Variants in STAB2 observed in about 807,000 individuals in gnomAD.
STAB2 encodes the protein stabilin 2, also known as stabilin-2.
A neutral mutation model predicts 338.1 loss-of-function variants in STAB2; 288 were observed. The observed-to-expected ratio is 0.85, with a 90% CI of 0.77 to 0.94. The LOEUF (loss-of-function observed/expected upper bound fraction) is 0.94. Ranked by LOEUF, STAB2 falls within the 40% of genes least tolerant of loss-of-function variation. STAB2 has a pLI of 0.00. For missense variants in STAB2, 3,141 were observed against 3,210.1 expected (o/e 0.98, Z 0.52); for synonymous variants, 1,202 against 1,193.3 (o/e 1.01, Z -0.15).
chr12:103,666,024 G>T (rs1475699931), intron 18 of STAB2, among the ~76,000 whole-genome samples: 1 of 152,202 alleles, frequency 6.6e-6, no homozygotes, highest in African/African-American at 2.4e-5. Flanking sequence ...TGGACAGGCT[G>T]GCTCTGAAAG....
In STAB2 at chr12:103,663,759, A is replaced by G. The variant is rs114831189; in HGVS notation, c.2022+761A>G. Among the ~76,000 whole-genome samples, 936 of 152,322 alleles carry G rather than the reference A, an allele frequency of 6.1e-3. 8 individuals carry two copies. Among genetic ancestry groups the G allele is most frequent in the African/African-American group, 0.021 (890 of 41,558 alleles). The stretch of plus-strand genomic sequence containing the variant: ...ACATCTGCAAAGACCTTATTTCCCA[A>G]CAAGATCACATTCTGAGGTTCCAGG... On this transcript the variant is annotated intron_variant, in intron 18 of 68. Transcript: ENST00000388887.
At chr12:103,668,023 C>G (rs1042328404) in intron 19 of STAB2, among the ~76,000 whole-genome samples, 1 of 152,172 alleles carries the variant, frequency 6.6e-6, no homozygotes, top group African/African-American at 2.4e-5. Context: ...CTGTCTGGGC[C>G]TGTTTCCTTA....
At chr12:103,746,436 C>T (rs2139146409) in intron 57 of STAB2, 161 bp from the exon 58 acceptor site, 1 of 641,900 alleles carries the variant, frequency 1.6e-6, no homozygotes, top group East Asian at 2.6e-5. Flanking sequence ...CCAGAATCTC[C>T]AAGGCTAGAA....
intron 68 of STAB2, 54 bp from the exon 69 acceptor site, chr12:103,766,232 A>G (rs1482618853): frequency 1.2e-6 from 2 of 1,610,888 alleles, no homozygotes; most frequent in Middle Eastern, 1.7e-4. Context: ...GAAAGATTCA[A>G]CTAGGACTCA....
intron 56 of STAB2, among the ~76,000 whole-genome samples, chr12:103,744,899 A>G (rs1049836574): frequency 1.3e-5 from 2 of 152,196 alleles, no homozygotes; most frequent in African/African-American, 4.8e-5. Flanking sequence ...TTATAATTAT[A>G]TGATCAACAG....
At chr12:103,674,361 A>G (rs558423754) in intron 23 of STAB2, among the ~76,000 whole-genome samples, 1 of 152,338 alleles carries the variant, frequency 6.6e-6, no homozygotes, top group African/African-American at 2.4e-5. Context: ...TCAACAGTAC[A>G]GTGAGGATGA....
At chr12:103,682,851 G>A (rs1334696409) in intron 25 of STAB2, among the ~76,000 whole-genome samples, 2 of 152,184 alleles carry the variant, frequency 1.3e-5, no homozygotes, top group Non-Finnish European at 1.5e-5. Flanking sequence ...AGGAGGCTGA[G>A]GCAGGAGAAT....
chr12:103,701,227 C>T (rs1053848897), intron 34 of STAB2, among the ~76,000 whole-genome samples: 1 of 151,438 alleles, frequency 6.6e-6, no homozygotes, highest in African/African-American at 2.4e-5. Flanking sequence ...TGTATATGTG[C>T]CACATTTTCT....
chr12:103,723,786 G>A (rs1042401116), intron 44 of STAB2, among the ~76,000 whole-genome samples: 2 of 152,180 alleles, frequency 1.3e-5, no homozygotes, highest in Non-Finnish European at 2.9e-5. Context: ...TGGGGTTCGA[G>A]GGGACTGAGT....
chr12:103,750,486 C>T (rs1001789788), intron 59 of STAB2, 93 bp from the exon 60 acceptor site: 3 of 1,526,134 alleles, frequency 2.0e-6, no homozygotes, highest in South Asian at 1.2e-5. Context: ...CATCTGAACA[C>T]CTCCTAGGCT....
chr12:103,664,913 T>G (rs1460689748), intron 18 of STAB2, among the ~76,000 whole-genome samples: 1 of 152,152 alleles, frequency 6.6e-6, no homozygotes, highest in Non-Finnish European at 1.5e-5. Flanking sequence ...TCCCCAGCAG[T>G]GATTTATGTT....
At chr12:103,603,841 G>T (rs56916543) in intron 3 of STAB2, among the ~76,000 whole-genome samples, 48,578 of 151,702 alleles carry the variant, frequency 0.32, 9,850 homozygotes, top group African/African-American at 0.58. Flanking sequence ...TTCCTCCTGT[G>T]CATAACGACC....
In STAB2 at chr12:103,761,335, G is replaced by A; in HGVS notation, c.7284G>A (p.Leu2428=). 6.2e-7 allele frequency: 1 copy of A among 1,614,120 alleles called. No individual in the cohort carries two copies. Residue 2428 remains leucine (L), a synonymous_variant, in exon 66 of 69, where the codon CTG becomes CTA. Transcript: ENST00000388887. ...ETRFVDGRAI[L]QWDIFASNGI... is the part of the protein sequence containing the mutation. ...GGTTTGTTGATGGAAGAGCCATTCT[G>A]CAGTGGGACATCTTTGCCTCCAATG...
At chr12:103,662,528 A>G (rs1330481671) in intron 17 of STAB2, among the ~76,000 whole-genome samples, 2 of 152,230 alleles carry the variant, frequency 1.3e-5, no homozygotes, top group African/African-American at 2.4e-5. Context: ...CACCAGAGAG[A>G]GGTCAAAGAA....
chr12:103,606,233 A>G (rs973894799), intron 3 of STAB2, among the ~76,000 whole-genome samples: 1 of 152,142 alleles, frequency 6.6e-6, no homozygotes, highest in Admixed American at 6.5e-5. Context: ...ACACCACTCT[A>G]TGCACAAGAA....
intron 17 of STAB2, among the ~76,000 whole-genome samples, chr12:103,662,449 T>C (rs555554177): frequency 6.6e-6 from 1 of 152,344 alleles, no homozygotes; most frequent in South Asian, 2.1e-4. Context: ...TTCACAGATG[T>C]ATACCCAGCT....
rs1956726535 is a variant in STAB2, at chr12:103,587,439, A to G, written c.-38A>G. On this transcript the variant is annotated 5_prime_UTR_variant, in exon 1 of 69. Transcript: ENST00000388887. ...AAGTTAAAATAGCTAAGTCAGCCTG[A>G]CAGGTGCTTGGCACAGAGAAGGAGC... 6.4e-7 allele frequency: 1 copy of G among 1,554,452 alleles called. No homozygotes were observed. Among genetic ancestry groups the G allele is most frequent in the Non-Finnish European group, 8.9e-7 (1 of 1,129,800 alleles).
chr12:103,759,387 T>G (rs979064603), intron 65 of STAB2, 114 bp downstream of exon 65: 66 of 1,420,478 alleles, frequency 4.6e-5, no homozygotes, highest in Non-Finnish European at 5.9e-5. Context: ...ACTCTAAACC[T>G]GCAGATAGGG....
chr12:103,694,354 G>T (rs767262676), intron 31 of STAB2, among the ~76,000 whole-genome samples: 3 of 151,978 alleles, frequency 2.0e-5, no homozygotes, highest in African/African-American at 7.3e-5. Flanking sequence ...GCCAAATCCC[G>T]TCTAATCACC....
Sources: allele counts gnomAD v4.1 joint callset (sites outside exome capture counted in the v4.1 genomes callset), GRCh38; gene constraint gnomAD v4.1.1; transcripts MANE v1.5; gene names NCBI Gene and HGNC (gene_info 2026-07-23, HGNC 2026-07-21).